Variants in HNRNPUL1 observed in about 807,000 individuals in gnomAD.
HNRNPUL1 encodes the protein heterogeneous nuclear ribonucleoprotein U-like protein 1.
Under a neutral mutation model 108.5 loss-of-function variants are expected in HNRNPUL1, and 14 were observed. That is an observed-to-expected ratio of 0.13 (90% CI 0.09 to 0.20). The LOEUF is 0.20. Among genes scored for constraint, HNRNPUL1 ranks in the 10% least tolerant of loss-of-function variants. The pLI is 1.00. For missense variants in HNRNPUL1, 804 were observed against 1,168.3 expected (o/e 0.69, Z 4.55); for synonymous variants, 422 against 445.2 (o/e 0.95, Z 0.66).
In HNRNPUL1 at chr19:41,264,411, T is replaced by C. The variant is rs2122335295; in HGVS notation, c.-93T>C. On this transcript the variant is annotated 5_prime_UTR_variant, in exon 1 of 15. Transcript: ENST00000392006. Reference sequence around the variant, plus strand: ...CCGCCATTGGAGTGGGCCCCCCCCCTTTCCCCCTTCGCCTCCTGACAGGAA... The same window carrying C: ...CCGCCATTGGAGTGGGCCCCCCCCCCTTCCCCCTTCGCCTCCTGACAGGAA... The C allele has an allele frequency of 3.7e-6, 4 of 1,077,324 alleles. No individual in the cohort carries two copies. Among genetic ancestry groups the C allele is most frequent in the South Asian group, 3.1e-5 (1 of 32,494 alleles). 66.7% of individuals were successfully genotyped at this position (1,077,324 alleles called of 1,614,324 possible).
chr19:41,283,537 C>A (rs2036030189), intron 7 of HNRNPUL1, among the ~76,000 whole-genome samples: 1 of 152,174 alleles, frequency 6.6e-6, no homozygotes, highest in South Asian at 2.1e-4. Context: ...CTCACTGCAA[C>A]CTCCGCTTCC....
intron 5 of HNRNPUL1, among the ~76,000 whole-genome samples, chr19:41,277,952 CTTTTT>C (rs34512016): frequency 7.3e-6 from 1 of 137,244 alleles, no homozygotes; most frequent in African/African-American, 2.7e-5. Context: ...AGTCAGAAGG[CTTTTT>C]TTTTTTTTTT....
intron 7 of HNRNPUL1, among the ~76,000 whole-genome samples, chr19:41,284,606 T>C (rs1000836745): frequency 2.6e-5 from 4 of 152,004 alleles, no homozygotes; most frequent in Admixed American, 6.5e-5. Flanking sequence ...TGGGTTATGA[T>C]TGGCCCACTG....
At chr19:41,300,042 AGGCTGAGGCT>A (rs2037113015) in intron 10 of HNRNPUL1, among the ~76,000 whole-genome samples, 1 of 152,104 alleles carries the variant, frequency 6.6e-6, no homozygotes, top group Admixed American at 6.6e-5. Flanking sequence ...ACAGAGGAGC[AGGCTGAGGCT>A]GGGCCATCCC....
chr19:41,277,018 A>G (rs2035596954), intron 5 of HNRNPUL1, among the ~76,000 whole-genome samples: 1 of 149,360 alleles, frequency 6.7e-6, no homozygotes, highest in South Asian at 2.1e-4. Flanking sequence ...AATTGCTTGA[A>G]CCCAAGAGGC....
intron 7 of HNRNPUL1, among the ~76,000 whole-genome samples, chr19:41,289,178 C>T (rs2036434201): frequency 6.6e-6 from 1 of 152,168 alleles, no homozygotes; most frequent in African/African-American, 2.4e-5. Context: ...TCAACCAGAA[C>T]ATCTCTGCAT....
rs777407097 is a variant in HNRNPUL1, at chr19:41,302,830, G to A, written c.1853G>A (p.Arg618Gln). The change falls in exon 12 of 15, where the codon CGG becomes CAG. Residue 618 changes from arginine to glutamine, a missense_variant. By Grantham distance (43) the Arg-to-Gln change is conservative. Coordinates refer to ENST00000392006, the MANE Select transcript of HNRNPUL1 (RefSeq NM_007040.6). ...RFDNRGGGGF[R>Q]GRGGGGGFQR... ...GACAACCGAGGTGGTGGTGGCTTCC[G>A]GGGCCGCGGGGGTGGTGGTGGCTTC... 7 of 1,597,186 alleles carry A rather than the reference G, an allele frequency of 4.4e-6. 1 individual carries two copies. Among genetic ancestry groups the A allele is most frequent in the East Asian group, 4.5e-5 (2 of 44,678 alleles).
At chr19:41,293,843 AAAG>A (rs1311239488) in intron 8 of HNRNPUL1, among the ~76,000 whole-genome samples, 1 of 152,120 alleles carries the variant, frequency 6.6e-6, no homozygotes, top group African/African-American at 2.4e-5. Flanking sequence ...TCTACCAAAA[AAAG>A]AGAGAAAAAG....
At chr19:41,293,788 A>T (rs1056073290) in intron 8 of HNRNPUL1, among the ~76,000 whole-genome samples, 2 of 152,118 alleles carry the variant, frequency 1.3e-5, no homozygotes, top group South Asian at 4.2e-4. Flanking sequence ...TCCCTTGAGT[A>T]TAGGAGTTTG....
intron 6 of HNRNPUL1, among the ~76,000 whole-genome samples, chr19:41,279,823 A>G (rs2035799947): frequency 6.6e-6 from 1 of 152,244 alleles, no homozygotes; most frequent in Non-Finnish European, 1.5e-5. Context: ...AACCTGTGAG[A>G]GAAACTAACC....
chr19:41,264,376 TG>T lies in HNRNPUL1; in HGVS notation c.-127del. ...GGGGAGGCGGTGGCGGCGGCCATTT[TG>T]AGCCGCTGCCGCCATTGGAGTGGGC... On this transcript the variant is annotated 5_prime_UTR_variant, in exon 1 of 15. Coordinates refer to ENST00000392006, the MANE Select transcript of HNRNPUL1 (RefSeq NM_007040.6). 1 of 783,862 alleles carries T rather than the reference TG, an allele frequency of 1.3e-6. No individual in the cohort carries two copies. Among genetic ancestry groups the T allele is most frequent in the East Asian group, 3.4e-5 (1 of 29,842 alleles). 48.6% of individuals were successfully genotyped at this position (783,862 alleles called of 1,614,324 possible).
At chr19:41,264,108 A>T (rs2034650416), upstream of HNRNPUL1, among the ~76,000 whole-genome samples, 1 of 152,182 alleles carries the variant, frequency 6.6e-6, no homozygotes, top group Non-Finnish European at 1.5e-5. Flanking sequence ...ATTGGACCTT[A>T]CGGCAGCCGG....
chr19:41,298,933 A>G (rs1172603076), intron 10 of HNRNPUL1: 2 of 152,042 alleles, frequency 1.3e-5, no homozygotes, highest in Admixed American at 1.3e-4. Flanking sequence ...GGGGCAAAAA[A>G]AAAAAAATGC....
intron 13 of HNRNPUL1, among the ~76,000 whole-genome samples, chr19:41,305,077 T>G (rs571486106): frequency 3.3e-5 from 5 of 152,346 alleles, no homozygotes; most frequent in African/African-American, 1.2e-4. Context: ...ACTATAGCTC[T>G]GGGACTAGGC....
chr19:41,284,788 G>A (rs918535621), intron 7 of HNRNPUL1, among the ~76,000 whole-genome samples: 6 of 152,120 alleles, frequency 3.9e-5, no homozygotes, highest in Non-Finnish European at 7.3e-5. Flanking sequence ...ACGAGGTCAG[G>A]AGATCAAGAC....
At chr19:41,263,138 G>C (rs1388292945), upstream of HNRNPUL1, 1 of 151,968 alleles carries the variant, frequency 6.6e-6, no homozygotes, top group Middle Eastern at 3.4e-3. Context: ...GTGTGCCTTT[G>C]TCTGAGTAGA....
At chr19:41,303,061 T>A (rs768799781) in intron 12 of HNRNPUL1, 112 bp downstream of exon 12, 61 of 1,217,514 alleles carry the variant, frequency 5.0e-5, no homozygotes, top group Non-Finnish European at 6.6e-5. Flanking sequence ...CTGTGAGTTA[T>A]ACTCTGGTAG....
intron 3 of HNRNPUL1, among the ~76,000 whole-genome samples, chr19:41,273,075 T>G (rs1159446310): frequency 2.0e-5 from 3 of 152,150 alleles, no homozygotes; most frequent in Non-Finnish European, 4.4e-5. Context: ...GGATCCCACC[T>G]CATATGGGGT....
At chr19:41,278,945 C>T in intron 5 of HNRNPUL1, 132 bp from the exon 6 acceptor site, 1 of 709,398 alleles carries the variant, frequency 1.4e-6, no homozygotes, top group South Asian at 1.6e-5. Context: ...TTCAGAGCTG[C>T]TTAAACGCTT....
Sources: gnomAD v4.1 joint callset for allele counts (sites outside exome capture counted in the v4.1 genomes callset) on GRCh38, gnomAD v4.1.1 for gene constraint, MANE v1.5 for transcripts, NCBI Gene and HGNC (gene_info 2026-07-23, HGNC 2026-07-21) for gene names.